Variants in BRD8 observed in about 807,000 individuals in gnomAD.
The protein encoded by BRD8 is bromodomain-containing protein 8.
In BRD8, 67 loss-of-function variants were observed where a neutral mutation model predicts 143.1. The observed-to-expected ratio is 0.47, with a 90% CI of 0.38 to 0.57. The LOEUF is 0.57. Among genes scored for constraint, BRD8 ranks in the 20% least tolerant of loss-of-function variants. The pLI, the probability that BRD8 is intolerant of heterozygous loss-of-function variation, is 0.00. For missense variants in BRD8, 1,103 were observed against 1,503.0 expected (o/e 0.73, Z 4.40); for synonymous variants, 505 against 517.1 (o/e 0.98, Z 0.32).
At chr5:138,167,698 C>G (rs1340845500) in intron 9 of BRD8, 1 of 466,912 alleles carries the variant, frequency 2.1e-6, no homozygotes, top group African/African-American at 2.0e-5. Context: ...GAAAGCAGTT[C>G]AATATTACTC....
At chr5:138,142,793 T>C (rs939377040) in intron 25 of BRD8, among the ~76,000 whole-genome samples, 15 of 146,180 alleles carry the variant, frequency 1.0e-4, no homozygotes, top group Non-Finnish European at 2.1e-4. Flanking sequence ...CAAAATAGGC[T>C]AGGATTACCT....
chr5:138,175,836 C>A (rs950758274), intron 2 of BRD8, among the ~76,000 whole-genome samples: 2 of 150,172 alleles, frequency 1.3e-5, no homozygotes, highest in Non-Finnish European at 3.0e-5. Flanking sequence ...ATCACTTGAG[C>A]CCAGGAGGCA....
In BRD8 at chr5:138,170,899, C is replaced by T; in HGVS notation, c.373G>A (p.Asp125Asn). The T allele has an allele frequency of 6.2e-7, 1 of 1,614,186 alleles. No homozygotes were observed. Among genetic ancestry groups the T allele is most frequent in the Non-Finnish European group, 8.5e-7 (1 of 1,180,022 alleles). ...TQERYRRLKRDAELIQAGHMD... is the reference protein window; with the variant it reads ...TQERYRRLKRNAELIQAGHMD... ...TGTCCAGCTTGAATTAGTTCTGCATCTCTCTTTAGCCGTCTATAGGAAGAA... is the reference window on the plus strand; with the variant it reads ...TGTCCAGCTTGAATTAGTTCTGCATTTCTCTTTAGCCGTCTATAGGAAGAA... The change falls in exon 6 of 27, where the codon GAT (aspartate) becomes AAT (asparagine). Residue 125 changes from aspartate (D) to asparagine (N), a missense_variant. Physicochemically the swap from Asp to Asn is conservative, Grantham distance 23. This residue lies in a region of BRD8 where 334 missense variants were observed against 372.5 expected (regional missense o/e 0.90). Coordinates refer to ENST00000254900, the MANE Select transcript of BRD8 (RefSeq NM_139199.2).
chr5:138,147,870 G>T (rs1250686118), intron 23 of BRD8, among the ~76,000 whole-genome samples: 1 of 151,960 alleles, frequency 6.6e-6, no homozygotes, highest in African/African-American at 2.4e-5. Flanking sequence ...CCCAGGAGGC[G>T]GAGGCTGAAG....
In BRD8 at chr5:138,160,255, G is replaced by C. The variant is rs1752899661; in HGVS notation, c.2428-82C>G. Reference sequence around the variant, plus strand: ...AAGTACACTTTAAGCACTGTAAATAGAACTTTGTATAGTACTCTTCTGGCT... The same window carrying C: ...AAGTACACTTTAAGCACTGTAAATACAACTTTGTATAGTACTCTTCTGGCT... On this transcript the variant is annotated intron_variant, in intron 18 of 26. Coordinates refer to ENST00000254900, the MANE Select transcript of BRD8 (RefSeq NM_139199.2). 5 of 942,398 alleles carry C rather than the reference G, an allele frequency of 5.3e-6. No individual in the cohort carries two copies. The South Asian group carries it at 6.6e-5, about 12-fold the overall frequency. 58.4% of individuals were successfully genotyped at this position (942,398 alleles called of 1,614,324 possible). A position where few individuals can be genotyped will look rare whatever the true frequency, so the allele number is the denominator to read the frequency against.
At position 138,174,107 on chromosome 5, in the gene BRD8, A is replaced by C. The variant is rs575731566; in HGVS notation, c.117-1973T>G. ...TACTATCCTCCAGGCTCAACCATGG[A>C]ATCACAAATGGAGGATTTAATTCTT... On this transcript the variant is annotated intron_variant, in intron 2 of 26. Coordinates refer to ENST00000254900, the MANE Select transcript of BRD8 (RefSeq NM_139199.2). 7.2e-4 allele frequency among the ~76,000 whole-genome samples: 110 copies of C among 152,248 alleles called. 1 individual carries two copies. The highest frequency in any genetic ancestry group is 6.8e-3 in the Middle Eastern group (2 of 294).
chr5:138,156,991 A>G (rs1561604422), intron 20 of BRD8: 3 of 1,379,956 alleles, frequency 2.2e-6, no homozygotes, highest in African/African-American at 2.9e-5. Flanking sequence ...ACGATCTGCT[A>G]GCTACACATT....
chr5:138,143,075 A>G (rs2151178968), intron 25 of BRD8, among the ~76,000 whole-genome samples: 1 of 152,304 alleles, frequency 6.6e-6, no homozygotes, highest in South Asian at 2.1e-4. Context: ...GCATGAGCCC[A>G]GGAGTCTGAG....
intron 26 of BRD8, among the ~76,000 whole-genome samples, chr5:138,140,408 C>T (rs1361064412): frequency 6.6e-6 from 1 of 152,200 alleles, no homozygotes; most frequent in African/African-American, 2.4e-5. Flanking sequence ...ACTCCAGCCT[C>T]TTTGGAGTTT....
At chr5:138,152,417 A>C (rs575788183) in intron 21 of BRD8, 65 bp downstream of exon 21, 1 of 1,575,332 alleles carries the variant, frequency 6.3e-7, no homozygotes, top group Non-Finnish European at 8.6e-7. Flanking sequence ...AGAAGCATGT[A>C]AGGATAAGCA....
chr5:138,170,079 C>A (rs1166288274), intron 7 of BRD8, among the ~76,000 whole-genome samples: 3 of 152,228 alleles, frequency 2.0e-5, no homozygotes, highest in Non-Finnish European at 4.4e-5. Flanking sequence ...AATCTTTTCA[C>A]AGGCCCTTGA....
At chr5:138,171,183 A>G (rs1211063700) in intron 4 of BRD8, 23 bp from the exon 5 acceptor site, 1 of 1,597,606 alleles carries the variant, frequency 6.3e-7, no homozygotes. Context: ...GAAAAAAAAA[A>G]ATTCATATTC....
Position 138,152,548 on chromosome 5 carries a change from G to A in BRD8, c.2790C>T (p.Gly930=). ...TTGCCGCTTCCTGAGATTCCTCACT[G>A]CCTCCATCCCCAACAAGCAGTTCAC... ...EPSELLVGDG[G]SEESQEAARK... Residue 930 remains glycine (G), a synonymous_variant, in exon 21 of 27, where the codon GGC becomes GGT. Transcript: ENST00000254900. 6.2e-7 allele frequency: 1 copy of A among 1,614,178 alleles called. No homozygotes were observed. The highest frequency in any genetic ancestry group is 8.5e-7 in the Non-Finnish European group (1 of 1,180,040).
intron 20 of BRD8, among the ~76,000 whole-genome samples, chr5:138,154,029 T>C (rs1326682982): frequency 6.6e-6 from 1 of 152,134 alleles, no homozygotes; most frequent in Non-Finnish European, 1.5e-5. Context: ...GACCCTTCCT[T>C]CTCTTATATT....
chr5:138,166,615 A>C lies in BRD8; in HGVS notation c.900T>G (p.Pro300=). The change falls in exon 10 of 27, where the codon CCT becomes CCG. Residue 300 remains proline, a synonymous_variant. Transcript: ENST00000254900. ...TGGTAGCTTGGGACACAGACTCTACAGGGGGTGGCACAAGTTTAACTGGAG... is the reference window on the plus strand; with the variant it reads ...TGGTAGCTTGGGACACAGACTCTACCGGGGGTGGCACAAGTTTAACTGGAG... The part of the protein sequence containing the change: ...SEPPVKLVPP[P]VESVSQATIV... 6.2e-7 allele frequency: 1 copy of C among 1,613,770 alleles called. No individual in the cohort carries two copies. The highest frequency in any genetic ancestry group is 8.5e-7 in the Non-Finnish European group (1 of 1,179,680).
chr5:138,141,279 G>A (rs1459320433), intron 25 of BRD8, among the ~76,000 whole-genome samples: 2 of 152,112 alleles, frequency 1.3e-5, no homozygotes, highest in East Asian at 1.9e-4. Context: ...ACAGGCGTGC[G>A]CCATCATGCC....
intron 12 of BRD8, 26 bp from the exon 13 acceptor site, chr5:138,164,439 C>A: frequency 1.3e-6 from 2 of 1,592,104 alleles, no homozygotes; most frequent in South Asian, 1.1e-5. Context: ...GAAAAAACAC[C>A]CTAAGTACTG....
At chr5:138,152,402 G>GTAATATTTAGTAAACAATATTAAC in intron 21 of BRD8, 80 bp downstream of exon 21, 1 of 1,539,506 alleles carries the variant, frequency 6.5e-7, no homozygotes, top group Non-Finnish European at 8.8e-7. Flanking sequence ...AATATTAAGA[G>GTAATATTTAGTAAACAATATTAAC]TGGTAGAAGC....
In BRD8 at chr5:138,172,130, ATACCC is replaced by A. The variant is rs774692241; in HGVS notation, c.117-1_120del. ...AAGGGCTTGATTGCTCTGCTAACTGATACCCTACAAAATGAGGAAAGCTTTATTAC... is the reference window on the plus strand; with the variant it reads ...AAGGGCTTGATTGCTCTGCTAACTGATACAAAATGAGGAAAGCTTTATTAC... On this transcript the variant is annotated splice_acceptor_variant and coding_sequence_variant, in exon 3 of 27. Transcript: ENST00000254900. LOFTEE classifies it high-confidence loss of function. 1 of 1,612,780 alleles carries A rather than the reference ATACCC, an allele frequency of 6.2e-7. No homozygotes were observed. The highest frequency in any genetic ancestry group is 1.7e-5 in the Admixed American group (1 of 59,868).
Sources: allele counts gnomAD v4.1 joint callset (sites outside exome capture counted in the v4.1 genomes callset), GRCh38; gene constraint gnomAD v4.1.1; regional missense constraint gnomAD v4.1.1; transcripts MANE v1.5; gene names NCBI Gene and HGNC (gene_info 2026-07-23, HGNC 2026-07-21).